The following KIF5C variants were observed in gnomAD, a reference collection of about 807,000 sequenced individuals.
The protein encoded by KIF5C is kinesin family member 5C, also known as kinesin heavy chain isoform 5C.
Under a neutral mutation model 125.2 loss-of-function variants are expected in KIF5C, and 18 were observed. That is an observed-to-expected ratio of 0.14 (90% CI 0.10 to 0.21). KIF5C has a LOEUF of 0.21. Ranked by LOEUF, KIF5C falls within the 10% of genes least tolerant of loss-of-function variation. KIF5C has a pLI of 1.00. For missense variants in KIF5C, 780 were observed against 1,183.8 expected, an observed-to-expected ratio of 0.66 and a Z score of 5.01; for synonymous variants, 405 against 434.0, an observed-to-expected ratio of 0.93 and a Z score of 0.83.
chr2:148,941,237 T>C lies in KIF5C; in HGVS notation c.397-373T>C, dbSNP rs142273390. On this transcript the variant is annotated intron_variant, in intron 4 of 25. Coordinates refer to ENST00000435030, the MANE Select transcript of KIF5C (RefSeq NM_004522.3). ...ATGTGAACATTTGGGCTAAGTCTCC[T>C]TCATGATACTGTCAGTATCATGCAA... is the stretch of plus-strand genomic sequence containing the variant. Among the ~76,000 whole-genome samples the C allele has an allele frequency of 7.7e-3, 1,170 of 152,302 alleles. 20 individuals carry two copies. Among genetic ancestry groups the C allele is most frequent in the African/African-American group, 0.027 (1,127 of 41,554 alleles).
intron 15 of KIF5C, among the ~76,000 whole-genome samples, chr2:148,986,208 GAA>G (rs1349609554): frequency 6.6e-6 from 1 of 151,984 alleles, no homozygotes; most frequent in Non-Finnish European, 1.5e-5. Flanking sequence ...CTTCAGTATT[GAA>G]AAAAGAGTCT....
chr2:148,941,537 A>C lies in KIF5C; in HGVS notation c.397-73A>C, dbSNP rs1330242338. Reference sequence around the variant, plus strand: ...TTAGCCATGCATGATGAAAGCTTTCATAAGTACTAATAATGGCATTTTTGA... The same window carrying C: ...TTAGCCATGCATGATGAAAGCTTTCCTAAGTACTAATAATGGCATTTTTGA... On this transcript the variant is annotated intron_variant, in intron 4 of 25. Coordinates refer to ENST00000435030, the MANE Select transcript of KIF5C (RefSeq NM_004522.3). 3.9e-6 allele frequency: 6 copies of C among 1,536,434 alleles called. No individual in the cohort carries two copies. In the Admixed American group the frequency reaches 1.0e-4, roughly 26 times the overall value.
chr2:148,964,998 T>C (rs914182285), intron 11 of KIF5C, among the ~76,000 whole-genome samples: 4 of 151,682 alleles, frequency 2.6e-5, no homozygotes, highest in African/African-American at 4.9e-5. Context: ...CTGAGAGATA[T>C]TTAGGAGGAG....
intron 8 of KIF5C, among the ~76,000 whole-genome samples, chr2:148,947,697 T>A (rs138319614): frequency 1.3e-5 from 2 of 152,326 alleles, no homozygotes; most frequent in African/African-American, 4.8e-5. Context: ...CTTCCCAGAA[T>A]CTCCAGTCTC....
chr2:148,953,675 G>T (rs958639937), intron 10 of KIF5C, among the ~76,000 whole-genome samples: 3 of 152,136 alleles, frequency 2.0e-5, no homozygotes, highest in African/African-American at 7.2e-5. Context: ...ATTCCTTTGT[G>T]GTTCTTTCAA....
At chr2:148,896,822 C>CCT (rs70995344) in intron 1 of KIF5C, among the ~76,000 whole-genome samples, 84,158 of 149,312 alleles carry the variant, frequency 0.56, 25,645 homozygotes, top group South Asian at 0.74. Context: ...CATGATCCTT[C>CCT]CTCTCTCTCT....
intron 2 of KIF5C, among the ~76,000 whole-genome samples, chr2:148,927,889 C>T (rs185296879): frequency 1.3e-4 from 20 of 151,990 alleles, no homozygotes; most frequent in African/African-American, 4.3e-4. Context: ...CTCTTGCTCC[C>T]CCTCCTCTCT....
chr2:148,924,359 G>A lies in KIF5C; in HGVS notation c.217+2132G>A, dbSNP rs968448591. 1.3e-5 allele frequency among the ~76,000 whole-genome samples: 2 copies of A among 152,060 alleles called. No individual in the cohort carries two copies. The highest frequency in any genetic ancestry group is 2.9e-5 in the Non-Finnish European group (2 of 68,010). Reference sequence around the variant, plus strand: ...ATAGTCCCCGTGATTCCTGATAATGGGTGGACCAAGGAGCATTCCTTTCAA... The same window carrying A: ...ATAGTCCCCGTGATTCCTGATAATGAGTGGACCAAGGAGCATTCCTTTCAA... On this transcript the variant is annotated intron_variant, in intron 2 of 25. Transcript: ENST00000435030. This position sits in a 1 kb window ranked among gnomAD's most constrained non-coding sequence, Gnocchi z 4.0.
intron 8 of KIF5C, chr2:148,947,936 C>T (rs1682558462): frequency 4.4e-6 from 2 of 456,592 alleles, no homozygotes; most frequent in Non-Finnish European, 8.8e-6. Flanking sequence ...TTCCCGTATG[C>T]CAAGTTATGG....
In KIF5C at chr2:148,981,436, G is replaced by C; in HGVS notation, c.1444G>C (p.Asp482His). 6.2e-7 allele frequency: 1 copy of C among 1,610,174 alleles called. No homozygotes were observed. The highest frequency in any genetic ancestry group is 2.2e-5 in the East Asian group (1 of 44,750). ...CCAGATTGAAAATGAGGCAGCCAAGGATGAGGTGAAAGAAGTTCTCCAGGC... is the reference window on the plus strand; with the variant it reads ...CCAGATTGAAAATGAGGCAGCCAAGCATGAGGTGAAAGAAGTTCTCCAGGC... ...RLQIENEAAK[D>H]EVKEVLQALE... Residue 482 changes from aspartate to histidine, a missense_variant, in exon 14 of 26, where the codon GAT (aspartate) becomes CAT (histidine). Coordinates refer to ENST00000435030, the MANE Select transcript of KIF5C (RefSeq NM_004522.3).
rs369998019 is a variant in KIF5C, at chr2:148,998,701, C to A, written c.2210+192C>A. 235 of 952,008 alleles carry A rather than the reference C, an allele frequency of 2.5e-4. 3 individuals are homozygous for A. In the East Asian group the frequency reaches 5.8e-3, roughly 24 times the overall value. 59.0% of individuals were successfully genotyped at this position (952,008 alleles called of 1,614,324 possible). A position where few individuals can be genotyped will look rare whatever the true frequency, so the allele number is the denominator to read the frequency against. ...CGATCTGGAGCTGAGCCTCCTGGAGCCCTGGCATGGCAGGTGGCAGGCGGG... is the reference window on the plus strand; with the variant it reads ...CGATCTGGAGCTGAGCCTCCTGGAGACCTGGCATGGCAGGTGGCAGGCGGG... On this transcript the variant is annotated intron_variant, in intron 19 of 25. Transcript: ENST00000435030.
At chr2:148,966,810 G>C (rs1680732721) in intron 11 of KIF5C, among the ~76,000 whole-genome samples, 1 of 152,100 alleles carries the variant, frequency 6.6e-6, no homozygotes, top group Non-Finnish European at 1.5e-5. Flanking sequence ...AGTTCTGAGA[G>C]AGCTTCCTTC....
intron 12 of KIF5C, among the ~76,000 whole-genome samples, chr2:148,978,332 A>AG (rs1347896703): frequency 2.5e-5 from 2 of 80,702 alleles, no homozygotes; most frequent in Non-Finnish European, 4.9e-5. Context: ...AGCTGCCCTG[A>AG]GGTTTTTTTT....
intron 1 of KIF5C, among the ~76,000 whole-genome samples, chr2:148,891,980 G>A (rs1047241583): frequency 3.3e-5 from 5 of 152,202 alleles, no homozygotes; most frequent in African/African-American, 1.2e-4. Context: ...TTATAGGCAT[G>A]AGCCACTGCA....
intron 24 of KIF5C, 44 bp downstream of exon 24, chr2:149,010,395 C>T (rs1191467101): frequency 3.3e-6 from 5 of 1,494,940 alleles, no homozygotes; most frequent in Admixed American, 2.3e-5. Context: ...GAAGCTACTG[C>T]GGCCTCTCAG....
At chr2:148,946,866 C>T (rs1416717137) in intron 7 of KIF5C, 33 bp from the exon 8 acceptor site, 1 of 1,606,144 alleles carries the variant, frequency 6.2e-7, no homozygotes, top group Non-Finnish European at 8.5e-7. Context: ...CCTACATGTT[C>T]TTTGTAGAGC....
intron 11 of KIF5C, among the ~76,000 whole-genome samples, chr2:148,966,369 C>T (rs879733431): frequency 2.4e-4 from 36 of 149,608 alleles, no homozygotes; most frequent in Non-Finnish European, 4.6e-4. Flanking sequence ...CGCGCACACA[C>T]ACACATGCTT....
intron 18 of KIF5C, chr2:148,997,671 C>G: frequency 3.2e-6 from 1 of 311,216 alleles, no homozygotes; most frequent in Non-Finnish European, 5.9e-6. Context: ...TTCCTCCAAC[C>G]TTTACGCAGA....
intron 1 of KIF5C, among the ~76,000 whole-genome samples, chr2:148,881,712 C>T (rs1681360374): frequency 6.6e-6 from 1 of 151,438 alleles, no homozygotes; most frequent in African/African-American, 2.4e-5. Context: ...CCCTTTAGTC[C>T]TTACCTCTAA....
Sources: allele counts gnomAD v4.1 joint callset (sites outside exome capture counted in the v4.1 genomes callset), GRCh38; gene constraint gnomAD v4.1.1; non-coding constraint Gnocchi (gnomAD v3.1); transcripts MANE v1.5; gene names NCBI Gene and HGNC (gene_info 2026-07-23, HGNC 2026-07-21).